ADAMTSL1: variants seen among roughly 807,000 people sequenced by gnomAD.
ADAMTSL1 encodes the protein ADAMTS like 1, also known as ADAMTS-like protein 1.
Under a neutral mutation model 201.8 loss-of-function variants are expected in ADAMTSL1, and 126 were observed. The observed-to-expected ratio is 0.62, with a 90% CI of 0.54 to 0.72. The LOEUF (loss-of-function observed/expected upper bound fraction) is 0.72. ADAMTSL1 is among the 30% of genes least tolerant of loss of function. The probability of loss-of-function intolerance (pLI) is 0.00; values close to 1 mark genes in which losing one functional copy is unlikely to be tolerated. For missense variants in ADAMTSL1, 2,679 were observed against 2,277.8 expected (o/e 1.18, Z -3.59); for synonymous variants, 1,121 against 903.4 (o/e 1.24, Z -4.32).
intron 2 of ADAMTSL1, among the ~76,000 whole-genome samples, chr9:18,254,345 G>GT (rs59026505): frequency 0.018 from 867 of 49,428 alleles, 138 homozygotes; most frequent in Non-Finnish European, 0.021. Flanking sequence ...ACTCTTTTTG[G>GT]TTTTTTTTTT....
intron 2 of ADAMTSL1, among the ~76,000 whole-genome samples, chr9:18,222,513 T>A (rs1219193258): frequency 6.6e-6 from 1 of 151,902 alleles, no homozygotes; most frequent in Non-Finnish European, 1.5e-5. Flanking sequence ...TTCACTTCAA[T>A]CATCTTTTCC....
At position 18,908,653 on chromosome 9, in the gene ADAMTSL1, C is replaced by T. The variant is rs1830444061; in HGVS notation, c.*105C>T. On this transcript the variant is annotated 3_prime_UTR_variant, in exon 29 of 29. Coordinates refer to ENST00000380548, the MANE Select transcript of ADAMTSL1 (RefSeq NM_001040272.6). ...TCATTTTATTTATTTATTTCCCCCT[C>T]CCCACTCCACACACACCCTTCCAAC... The T allele has an allele frequency of 6.8e-5, 61 of 895,120 alleles. No homozygotes were observed. In the South Asian group the frequency reaches 1.0e-3, roughly 15 times the overall value. The allele number at this position is 895,120 out of a possible 1,614,324, so 55.4% of individuals were successfully genotyped here.
At chr9:18,189,327 A>C (rs192643826) in intron 2 of ADAMTSL1, among the ~76,000 whole-genome samples, 115 of 152,270 alleles carry the variant, frequency 7.6e-4, no homozygotes, top group African/African-American at 2.7e-3. Context: ...TTAATTAAAA[A>C]ACCTTAAGTA....
intron 2 of ADAMTSL1, among the ~76,000 whole-genome samples, chr9:18,371,056 C>G (rs1837022345): frequency 6.6e-6 from 1 of 151,846 alleles, no homozygotes; most frequent in African/African-American, 2.4e-5. Context: ...TTTTTAATTG[C>G]TATATTTGAG....
chr9:18,555,402 A>G (rs1821045180), intron 3 of ADAMTSL1, among the ~76,000 whole-genome samples: 1 of 151,930 alleles, frequency 6.6e-6, no homozygotes, highest in African/African-American at 2.4e-5. Flanking sequence ...TTTTATTTAT[A>G]CTTAAAGCTA....
intron 2 of ADAMTSL1, among the ~76,000 whole-genome samples, chr9:18,465,119 C>T (rs374827482): frequency 6.6e-6 from 1 of 152,168 alleles, no homozygotes; most frequent in South Asian, 2.1e-4. Flanking sequence ...TCCACCTACA[C>T]ATGTTTCTAC....
At chr9:18,004,339 C>T (rs1200456698) in intron 1 of ADAMTSL1, among the ~76,000 whole-genome samples, 1 of 151,978 alleles carries the variant, frequency 6.6e-6, no homozygotes, top group Non-Finnish European at 1.5e-5. Flanking sequence ...TATTTCTGAG[C>T]TCTGGCTGCT....
At chr9:18,688,101 T>A (rs1217975785) in intron 13 of ADAMTSL1, among the ~76,000 whole-genome samples, 1 of 134,278 alleles carries the variant, frequency 7.4e-6, no homozygotes, top group Non-Finnish European at 1.6e-5. Flanking sequence ...TTGTGATGAA[T>A]ACATATATGT....
intron 1 of ADAMTSL1, among the ~76,000 whole-genome samples, chr9:18,002,098 G>C (rs1198278197): frequency 6.6e-6 from 1 of 151,928 alleles, no homozygotes; most frequent in Non-Finnish European, 1.5e-5. Flanking sequence ...CACAGGGGAA[G>C]AATGATACCT....
At chr9:18,665,312 A>T (rs1489876445) in intron 9 of ADAMTSL1, among the ~76,000 whole-genome samples, 2 of 152,086 alleles carry the variant, frequency 1.3e-5, no homozygotes, top group African/African-American at 4.8e-5. Context: ...TAATAGGTAA[A>T]CATTATACAT....
intron 4 of ADAMTSL1, among the ~76,000 whole-genome samples, chr9:18,575,489 A>G (rs1485234609): frequency 2.6e-5 from 4 of 152,220 alleles, no homozygotes; most frequent in African/African-American, 7.2e-5. Flanking sequence ...CTAAAAAGCA[A>G]TATATCTGAA....
intron 23 of ADAMTSL1, among the ~76,000 whole-genome samples, chr9:18,885,393 C>CCAT (rs1828786870): frequency 6.6e-6 from 1 of 152,174 alleles, no homozygotes; most frequent in African/African-American, 2.4e-5. Flanking sequence ...AATATCTGAA[C>CCAT]CATAGTAGCC....
At chr9:18,854,000 G>C (rs1333106875) in intron 23 of ADAMTSL1, among the ~76,000 whole-genome samples, 1 of 151,982 alleles carries the variant, frequency 6.6e-6, no homozygotes, top group Non-Finnish European at 1.5e-5. Flanking sequence ...ACCACTGTTG[G>C]AGGTGGGGGG....
intron 1 of ADAMTSL1, among the ~76,000 whole-genome samples, chr9:18,148,830 G>T (rs1297227076): frequency 6.6e-6 from 1 of 152,004 alleles, no homozygotes; most frequent in Non-Finnish European, 1.5e-5. Flanking sequence ...TTTTATTAGT[G>T]TTAAATTTGC....
chr9:17,986,398 C>T (rs1318477856), intron 1 of ADAMTSL1, among the ~76,000 whole-genome samples: 1 of 151,882 alleles, frequency 6.6e-6, no homozygotes, highest in East Asian at 1.9e-4. Flanking sequence ...CTTTTGAAGA[C>T]ATACCAGATA....
intron 19 of ADAMTSL1, among the ~76,000 whole-genome samples, chr9:18,783,171 T>TG (rs1398594426): frequency 2.5e-4 from 38 of 152,304 alleles, no homozygotes; most frequent in African/African-American, 8.4e-4. Context: ...TACATTGAGA[T>TG]GATAAATAAG....
intron 1 of ADAMTSL1, among the ~76,000 whole-genome samples, chr9:18,145,113 A>T (rs565432476): frequency 6.6e-6 from 1 of 152,326 alleles, no homozygotes; most frequent in African/African-American, 2.4e-5. Flanking sequence ...TCATTCTGAC[A>T]GCTAAAGAGG....
intron 6 of ADAMTSL1, among the ~76,000 whole-genome samples, chr9:18,637,363 T>A (rs867110109): frequency 6.6e-6 from 1 of 152,116 alleles, no homozygotes; most frequent in Non-Finnish European, 1.5e-5. Flanking sequence ...AATAGTACTT[T>A]TGTGAGCAGT....
chr9:18,862,176 G>A (rs1370857775), intron 23 of ADAMTSL1, among the ~76,000 whole-genome samples: 1 of 152,148 alleles, frequency 6.6e-6, no homozygotes, highest in Non-Finnish European at 1.5e-5. Flanking sequence ...TGTGGCTTTG[G>A]TTCAGCAGAA....
Sources: allele counts gnomAD v4.1 joint callset (sites outside exome capture counted in the v4.1 genomes callset), GRCh38; gene constraint gnomAD v4.1.1; transcripts MANE v1.5; gene names NCBI Gene and HGNC (gene_info 2026-07-23, HGNC 2026-07-21).